Variants in SPP1 observed in about 807,000 individuals in gnomAD.
The protein encoded by SPP1 is secreted phosphoprotein 1.
Under a neutral mutation model 20.8 loss-of-function variants are expected in SPP1, and 18 were observed. The observed-to-expected ratio is 0.87, with a 90% confidence interval of 0.60 to 1.29. The LOEUF is 1.29. Among genes scored for constraint, SPP1 ranks in the 50% most tolerant of loss-of-function variants. The pLI is 0.00. For synonymous variants in SPP1, 146 were observed against 141.5 expected, an observed-to-expected ratio of 1.03 and a Z score of -0.23; for missense variants, 363 against 389.0, an observed-to-expected ratio of 0.93 and a Z score of 0.56.
intron 6 of SPP1, 108 bp downstream of exon 6, chr4:87,981,906 C>A: frequency 1.0e-6 from 1 of 1,000,286 alleles, no homozygotes; most frequent in Non-Finnish European, 1.5e-6. Context: ...ATCCATTCAG[C>A]AAGAATTCAT....
intron 3 of SPP1, chr4:87,977,581 G>A (rs1725432448): frequency 5.5e-6 from 5 of 906,920 alleles, no homozygotes; most frequent in Non-Finnish European, 7.0e-6. Context: ...TGTATCTATT[G>A]TGATTGTCAG....
At chr4:87,979,553 T>C (rs1240066948) in intron 3 of SPP1, among the ~76,000 whole-genome samples, 2 of 152,292 alleles carry the variant, frequency 1.3e-5, no homozygotes, top group Non-Finnish European at 2.9e-5. Context: ...GAGAGTTCCT[T>C]CTTGTTCCAT....
At chr4:87,977,197 C>T in intron 3 of SPP1, 100 bp downstream of exon 3, 1 of 1,200,184 alleles carries the variant, frequency 8.3e-7, no homozygotes, top group Non-Finnish European at 1.2e-6. Context: ...TCTTCTCAGT[C>T]AAATCCATTG....
At position 87,979,259 on chromosome 4, in the gene SPP1, G is replaced by A. The variant is rs543542180; in HGVS notation, c.94-787G>A. On this transcript the variant is annotated intron_variant, in intron 3 of 6. Coordinates refer to ENST00000395080, the MANE Select transcript of SPP1 (RefSeq NM_001040058.2). ...GGCTCACTGCAAGCTCTGCCTCCTG[G>A]GTTCACGCCATTCTCTTGCCTCAGC... is the stretch of plus-strand genomic sequence containing the variant. Among the ~76,000 whole-genome samples the A allele has an allele frequency of 3.7e-4, 56 of 149,720 alleles. No homozygotes were observed. The East Asian group carries it at 0.011, about 29-fold the overall frequency.
chr4:87,981,832 G>C (rs776272735), intron 6 of SPP1, 34 bp downstream of exon 6: 1 of 1,585,098 alleles, frequency 6.3e-7, no homozygotes. Flanking sequence ...TGATGGTTCT[G>C]ACTAGCGCTC....
At position 87,976,888 on chromosome 4, in the gene SPP1, T is replaced by G. The variant is rs1268156794; in HGVS notation, c.-8T>G. On this transcript the variant is annotated 5_prime_UTR_variant, in exon 2 of 7. Transcript: ENST00000395080. ...CTTATGAAATATTTTGCAGGAAAAC[T>G]CACTACCATGAGAATTGCAGTGATT... The G allele has an allele frequency of 8.1e-6, 13 of 1,612,174 alleles. No individual in the cohort carries two copies. The highest frequency in any genetic ancestry group is 1.1e-5 in the Non-Finnish European group (13 of 1,178,442).
In SPP1 at chr4:87,983,298, G is replaced by A. The variant is rs1725738706; in HGVS notation, c.*402G>A. On this transcript the variant is annotated 3_prime_UTR_variant, in exon 7 of 7. Coordinates refer to ENST00000395080, the MANE Select transcript of SPP1 (RefSeq NM_001040058.2). ...TATTTTGTTGTGATTATCTTTTTGT[G>A]GTGTGAATAAATCTTTTATCTTGAA... 6.4e-6 allele frequency: 1 copy of A among 156,494 alleles called. No individual in the cohort carries two copies. Among genetic ancestry groups the A allele is most frequent in the South Asian group, 2.0e-4 (1 of 5,100 alleles). 9.7% of individuals were successfully genotyped at this position (156,494 alleles called of 1,614,324 possible).
Position 87,977,052 on chromosome 4 carries a change from T to C in SPP1, c.55-7T>C. The C allele has an allele frequency of 1.2e-6, 2 of 1,614,114 alleles. No individual in the cohort carries two copies. Among genetic ancestry groups the C allele is most frequent in the Non-Finnish European group, 1.7e-6 (2 of 1,179,964 alleles). On this transcript the variant is annotated splice_polypyrimidine_tract_variant and splice_region_variant and intron_variant, in intron 2 of 6. Coordinates refer to ENST00000395080, the MANE Select transcript of SPP1 (RefSeq NM_001040058.2). ...TGTAATCTTTCTTCATCTTTTCTGT[T>C]TCTAAGGTTAAACAGGCTGATTCTG...
intron 3 of SPP1, 127 bp downstream of exon 3, chr4:87,977,224 T>A: frequency 1.1e-6 from 1 of 950,174 alleles, no homozygotes; most frequent in Non-Finnish European, 1.6e-6. Context: ...AAGTATTGAT[T>A]GACTGCCTGC....
At chr4:87,979,186 A>C (rs1725540547) in intron 3 of SPP1, among the ~76,000 whole-genome samples, 1 of 111,042 alleles carries the variant, frequency 9.0e-6, no homozygotes. Flanking sequence ...TTTTTTTGAG[A>C]TGGAGTCTTG....
rs193072222 is a variant in SPP1 at position 87,983,169 on chromosome 4, A to C, written c.*273A>C. 1 of 274,834 alleles carries C rather than the reference A, an allele frequency of 3.6e-6. No homozygotes were observed. The highest frequency in any genetic ancestry group is 6.9e-5 in the East Asian group (1 of 14,568). The allele number at this position is 274,834 out of a possible 1,614,324, so 17.0% of individuals were successfully genotyped here. On this transcript the variant is annotated 3_prime_UTR_variant, in exon 7 of 7. Transcript: ENST00000395080. ...GTATTTTAATATTTGTTATTCTCTC[A>C]TGAATAGAAATTTATGTAGAAGCAA...
rs188523569 is a variant in SPP1 at position 87,980,106 on chromosome 4, C to A, written c.154C>A (p.Gln52Lys). ...TWLNPDPSQK[Q>K]NLLAPQNAVS... ...GCTAAACCCTGACCCATCTCAGAAG[C>A]AGAATCTCCTAGCCCCACAGGTATT... is the stretch of plus-strand genomic sequence containing the variant. The change falls in exon 4 of 7, where the codon CAG (glutamine) becomes AAG (lysine). Residue 52 changes from glutamine to lysine, a missense_variant. Coordinates refer to ENST00000395080, the MANE Select transcript of SPP1 (RefSeq NM_001040058.2). 76 of 1,614,148 alleles carry A rather than the reference C, an allele frequency of 4.7e-5. 1 individual carries two copies. In the East Asian group the frequency reaches 1.3e-3, roughly 27 times the overall value.
intron 6 of SPP1, 49 bp from the exon 7 acceptor site, chr4:87,982,443 C>T: frequency 1.9e-6 from 3 of 1,575,792 alleles, no homozygotes; most frequent in Non-Finnish European, 1.7e-6. Context: ...TACCATATTC[C>T]CATCCCTAGC....
chr4:87,975,894 T>C (rs1725359371), intron 1 of SPP1, 94 bp downstream of exon 1: 1 of 152,172 alleles, frequency 6.6e-6, no homozygotes, highest in Admixed American at 6.5e-5. Context: ...TGTAATGCTG[T>C]TAAACAGACT....
rs1362547868 is a variant in SPP1 at position 87,980,093 on chromosome 4, C to A, written c.141C>A (p.Asp47Glu). 5.0e-6 allele frequency: 8 copies of A among 1,614,140 alleles called. No homozygotes were observed. The highest frequency in any genetic ancestry group is 6.8e-6 in the Non-Finnish European group (8 of 1,180,028). ...PDAVATWLNP[D>E]PSQKQNLLAP... ...CTGTGGCCACATGGCTAAACCCTGACCCATCTCAGAAGCAGAATCTCCTAG... is the reference window on the plus strand; with the variant it reads ...CTGTGGCCACATGGCTAAACCCTGAACCATCTCAGAAGCAGAATCTCCTAG... Residue 47 changes from aspartate (D) to glutamate (E), a missense_variant, in exon 4 of 7, where the codon GAC becomes GAA. By Grantham distance (45) the Asp-to-Glu change is conservative. Transcript: ENST00000395080.
At chr4:87,981,102 A>G (rs1725621933) in intron 5 of SPP1, among the ~76,000 whole-genome samples, 1 of 152,210 alleles carries the variant, frequency 6.6e-6, no homozygotes, top group Non-Finnish European at 1.5e-5. Flanking sequence ...TCTCATTTCA[A>G]ATAAAAAAAC....
chr4:87,978,573 G>A (rs898821101), intron 3 of SPP1, among the ~76,000 whole-genome samples: 6 of 151,752 alleles, frequency 4.0e-5, no homozygotes, highest in African/African-American at 9.7e-5. Flanking sequence ...TAGTAGAGAC[G>A]GGGTTTCACC....
At chr4:87,979,158 CTTCTT>C (rs1164008718) in intron 3 of SPP1, among the ~76,000 whole-genome samples, 8 of 122,816 alleles carry the variant, frequency 6.5e-5, no homozygotes, top group Non-Finnish European at 1.4e-4. Context: ...GAATTTTTAT[CTTCTT>C]TTTTTTTTTT....
rs754185732 is a variant in SPP1 at position 87,977,106 on chromosome 4, C to G, written c.93+9C>G. 8 of 1,612,448 alleles carry G rather than the reference C, an allele frequency of 5.0e-6. No homozygotes were observed. The East Asian group carries it at 1.8e-4, about 36-fold the overall frequency. ...GTTCTGAGGAAAAGCAGGTAAGCAT[C>G]TTTTATGTTTTTATATAGTTAAATC... On this transcript the variant is annotated intron_variant, in intron 3 of 6. Transcript: ENST00000395080.
Sources: gnomAD v4.1 joint callset for allele counts (sites outside exome capture counted in the v4.1 genomes callset) on GRCh38, gnomAD v4.1.1 for gene constraint, MANE v1.5 for transcripts, NCBI Gene and HGNC (gene_info 2026-07-23, HGNC 2026-07-21) for gene names.